The following ACCSL variants were observed in gnomAD, a reference collection of about 807,000 sequenced individuals.
ACCSL encodes probable inactive 1-aminocyclopropane-1-carboxylate synthase-like protein 2.
Under a neutral mutation model 61.7 loss-of-function variants are expected in ACCSL, and 55 were observed. The ratio of observed to expected loss-of-function variants is 0.89; its 90% CI spans 0.72 to 1.12. The LOEUF (loss-of-function observed/expected upper bound fraction) is 1.12. ACCSL is among the 50% of genes most tolerant of loss of function. The probability of loss-of-function intolerance (pLI) is 0.00; values close to 1 mark genes in which losing one functional copy is unlikely to be tolerated. For missense variants in ACCSL, 632 were observed against 698.0 expected, an observed-to-expected ratio of 0.91 and a Z score of 1.07; for synonymous variants, 258 against 264.3, an observed-to-expected ratio of 0.98 and a Z score of 0.23.
chr11:44,015,731 G>T, the ACCSL span, among the ~76,000 whole-genome samples: 1 of 152,192 alleles, frequency 6.6e-6, no homozygotes, highest in African/African-American at 2.4e-5. Context: ...GCAGGATGGT[G>T]TACTAGAAAG....
chr11:43,993,454 G>T, the ACCSL span, among the ~76,000 whole-genome samples: 42,847 of 151,816 alleles, frequency 0.28, 6,624 homozygotes, highest in South Asian at 0.36. Flanking sequence ...CATCCTGGCC[G>T]CTCGGATGGT....
At position 44,052,994 on chromosome 11, in the gene ACCSL, A is replaced by G; in HGVS notation, c.874A>G (p.Thr292Ala). Reference protein sequence around the residue: ...LIPVHLESEVTVTNTHPFQLT... With the variant: ...LIPVHLESEVAVTNTHPFQLT... The stretch of plus-strand genomic sequence containing the variant: ...TCACATAGTGTTTCTCTTCCAGGTC[A>G]CTGTTACAAACACCCATCCTTTCCA... Residue 292 changes from threonine to alanine, a missense_variant, in exon 7 of 14, where the codon ACT (threonine) becomes GCT (alanine). By Grantham distance (58) the Thr-to-Ala change is moderately conservative. Coordinates refer to ENST00000378832, the MANE Select transcript of ACCSL (RefSeq NM_001031854.2). 6.2e-7 allele frequency: 1 copy of G among 1,613,862 alleles called. No individual in the cohort carries two copies. Among genetic ancestry groups the G allele is most frequent in the Non-Finnish European group, 8.5e-7 (1 of 1,179,764 alleles).
At chr11:43,954,805 G>A in the ACCSL span, among the ~76,000 whole-genome samples, 3 of 151,906 alleles carry the variant, frequency 2.0e-5, no homozygotes, top group Non-Finnish European at 4.4e-5. Flanking sequence ...GGCTGGTCTC[G>A]AACTCTCCAT....
chr11:43,978,783 GTTTTT>G, the ACCSL span, among the ~76,000 whole-genome samples: 8,591 of 79,016 alleles, frequency 0.11, 400 homozygotes, highest in African/African-American at 0.15. Flanking sequence ...GAGAAGGTGG[GTTTTT>G]TTTTTTTTTT....
rs11037843 is a variant in ACCSL, at chr11:44,051,650, C to T, written c.706-3C>T. 3.6e-3 allele frequency: 5,842 copies of T among 1,614,160 alleles called. 104 individuals are homozygous for T. The East Asian group carries it at 0.043, about 12-fold the overall frequency. ...ACTTCTGCCTCTCATGTGTTGTCTT[C>T]AGGTGGTGGTTCTAAATGGCTGCTG... On this transcript the variant is annotated splice_polypyrimidine_tract_variant and splice_region_variant and intron_variant, in intron 4 of 13. Coordinates refer to ENST00000378832, the MANE Select transcript of ACCSL (RefSeq NM_001031854.2).
the ACCSL span, among the ~76,000 whole-genome samples, chr11:44,015,660 A>T: frequency 6.6e-6 from 1 of 152,242 alleles, no homozygotes; most frequent in Non-Finnish European, 1.5e-5. Flanking sequence ...CAGCTCATGC[A>T]AAAATACTTC....
At chr11:43,974,775 A>C in the ACCSL span, among the ~76,000 whole-genome samples, 1 of 152,258 alleles carries the variant, frequency 6.6e-6, no homozygotes, top group Non-Finnish European at 1.5e-5. Context: ...GCCAACAGCC[A>C]CATGAGTAAC....
Position 44,048,122 on chromosome 11 carries a change from T to C in ACCSL, c.86T>C (p.Leu29Pro). The C allele has an allele frequency of 6.2e-7, 1 of 1,614,168 alleles. No individual in the cohort carries two copies. The highest frequency in any genetic ancestry group is 8.5e-7 in the Non-Finnish European group (1 of 1,180,022). ...AGAGACCACAGCATCTATACCCAGCTGTTGGAGATAACGCTGCACTTGCAG... is the reference window on the plus strand; with the variant it reads ...AGAGACCACAGCATCTATACCCAGCCGTTGGAGATAACGCTGCACTTGCAG... ...VPRDHSIYTQ[L>P]LEITLHLQQA... The change falls in exon 1 of 14, where the codon CTG becomes CCG. Residue 29 changes from leucine to proline, a missense_variant. Physicochemically the swap from Leu to Pro is moderately conservative, Grantham distance 98 (BLOSUM62 -3). Transcript: ENST00000378832.
At position 44,052,935 on chromosome 11, in the gene ACCSL, G is replaced by A. The variant is rs138920085; in HGVS notation, c.871-56G>A. The stretch of plus-strand genomic sequence containing the variant: ...AAAGGATTGCGGGGCTTATGGGAAT[G>A]AGGAATCAAGACTTAGATTTTAAGA... On this transcript the variant is annotated intron_variant, in intron 6 of 13. Coordinates refer to ENST00000378832, the MANE Select transcript of ACCSL (RefSeq NM_001031854.2). 2.1e-5 allele frequency: 33 copies of A among 1,559,194 alleles called. No homozygotes were observed. The Middle Eastern group carries it at 5.0e-4, about 24-fold the overall frequency.
intron 13 of ACCSL, among the ~76,000 whole-genome samples, chr11:44,059,483 A>C (rs776717533): frequency 1.2e-4 from 18 of 152,206 alleles, no homozygotes; most frequent in Admixed American, 2.6e-4. Context: ...TGAATTGTTC[A>C]TTCTCATGAA....
intron 9 of ACCSL, 85 bp downstream of exon 9, chr11:44,055,376 C>T: frequency 9.9e-7 from 1 of 1,011,522 alleles, no homozygotes; most frequent in Non-Finnish European, 1.5e-6. Context: ...GAACTTAACT[C>T]AGTTCCTAGC....
At chr11:43,996,390 C>A in the ACCSL span, among the ~76,000 whole-genome samples, 3 of 152,166 alleles carry the variant, frequency 2.0e-5, no homozygotes, top group African/African-American at 7.2e-5. Flanking sequence ...GGAGACCTGT[C>A]GCAGGGAGAT....
chr11:43,934,475 C>CGCGCACACACAT, the ACCSL span, among the ~76,000 whole-genome samples: 6 of 152,166 alleles, frequency 3.9e-5, no homozygotes, highest in Non-Finnish European at 7.3e-5. Context: ...CACACACACA[C>CGCGCACACACAT]GCGCACACAC....
intron 13 of ACCSL, among the ~76,000 whole-genome samples, chr11:44,059,057 A>G (rs1326074564): frequency 6.6e-6 from 1 of 152,142 alleles, no homozygotes; most frequent in African/African-American, 2.4e-5. Flanking sequence ...CCTGGCCAGC[A>G]TGGTAAAACC....
At chr11:43,950,136 A>T in the ACCSL span, among the ~76,000 whole-genome samples, 1 of 152,234 alleles carries the variant, frequency 6.6e-6, no homozygotes, top group Non-Finnish European at 1.5e-5. Flanking sequence ...TTTGTCTCTT[A>T]TCTACCTATG....
At chr11:44,008,748 T>C in the ACCSL span, among the ~76,000 whole-genome samples, 1 of 152,232 alleles carries the variant, frequency 6.6e-6, no homozygotes, top group African/African-American at 2.4e-5. Context: ...TAGTGACATG[T>C]GCTGAACACC....
the ACCSL span, among the ~76,000 whole-genome samples, chr11:43,939,761 C>G: frequency 6.6e-6 from 1 of 152,318 alleles, no homozygotes; most frequent in South Asian, 2.1e-4. Context: ...CACCTGCCAC[C>G]ACACCTGGCT....
the ACCSL span, chr11:43,925,600 G>A: frequency 3.6e-5 from 14 of 391,062 alleles, no homozygotes; most frequent in South Asian, 2.6e-4. Flanking sequence ...TCCCTCTTAC[G>A]GTCACAGTAC....
the ACCSL span, among the ~76,000 whole-genome samples, chr11:44,004,188 T>G: frequency 5.2e-5 from 7 of 134,816 alleles, no homozygotes; most frequent in South Asian, 2.5e-4. Context: ...GTGAGTGAGG[T>G]GAAGGGGGGG....
Sources: allele counts gnomAD v4.1 joint callset (sites outside exome capture counted in the v4.1 genomes callset), GRCh38; gene constraint gnomAD v4.1.1; transcripts MANE v1.5; gene names NCBI Gene and HGNC (gene_info 2026-07-23, HGNC 2026-07-21).